The following NCOA2 variants were observed in gnomAD, a reference collection of about 807,000 sequenced individuals.
NCOA2 encodes the protein nuclear receptor coactivator 2, also known as class E basic helix-loop-helix protein 75.
NCOA2 carries 21 observed loss-of-function variants against 145.1 expected under a neutral mutation model. That is an observed-to-expected ratio of 0.14 (90% CI 0.10 to 0.21). The LOEUF is 0.21. Ranked by LOEUF, NCOA2 falls within the 10% of genes least tolerant of loss-of-function variation. The probability of loss-of-function intolerance (pLI) is 1.00; values close to 1 mark genes in which losing one functional copy is unlikely to be tolerated. For synonymous variants in NCOA2, 619 were observed against 637.5 expected, an observed-to-expected ratio of 0.97 and a Z score of 0.44; for missense variants, 1,472 against 1,837.6, an observed-to-expected ratio of 0.80 and a Z score of 3.64.
chr8:70,266,756 T>G (rs756120028), intron 2 of NCOA2, among the ~76,000 whole-genome samples: 5 of 152,178 alleles, frequency 3.3e-5, no homozygotes, highest in Non-Finnish European at 5.9e-5. Context: ...TCAATCAATA[T>G]TTATTGGATG....
intron 1 of NCOA2, among the ~76,000 whole-genome samples, chr8:70,402,873 C>T (rs1213301574): frequency 1.4e-5 from 2 of 143,694 alleles, no homozygotes; most frequent in South Asian, 2.1e-4. Flanking sequence ...CGGGGCCCGG[C>T]CCCCGGCTCC....
chr8:70,277,947 T>C (rs941212383), intron 2 of NCOA2, among the ~76,000 whole-genome samples: 2 of 152,192 alleles, frequency 1.3e-5, no homozygotes, highest in Non-Finnish European at 2.9e-5. Flanking sequence ...TTAAATAAAA[T>C]GTACAATAGT....
At chr8:70,402,420 C>A (rs894880590) in intron 1 of NCOA2, 13 of 152,472 alleles carry the variant, frequency 8.5e-5, no homozygotes, top group African/African-American at 3.1e-4. Flanking sequence ...TCCCCGATTC[C>A]CGCCCCTCGG....
intron 14 of NCOA2, among the ~76,000 whole-genome samples, chr8:70,140,600 T>TG (rs1810290721): frequency 7.0e-6 from 1 of 143,352 alleles, no homozygotes; most frequent in African/African-American, 2.6e-5. Flanking sequence ...TAAGTTTTTT[T>TG]TTTTTTTTTT....
chr8:70,249,979 A>G (rs1563679783), intron 2 of NCOA2, among the ~76,000 whole-genome samples: 1 of 102,650 alleles, frequency 9.7e-6, no homozygotes, highest in African/African-American at 3.2e-5. Context: ...AAAAAAAAAA[A>G]GAAGAAGAAG....
chr8:70,176,728 G>C (rs546237925), intron 4 of NCOA2, among the ~76,000 whole-genome samples: 3 of 152,160 alleles, frequency 2.0e-5, no homozygotes, highest in Non-Finnish European at 4.4e-5. Context: ...CACCAGTACA[G>C]GAATAGGATT....
intron 2 of NCOA2, among the ~76,000 whole-genome samples, chr8:70,221,597 C>A (rs1312637988): frequency 1.3e-5 from 2 of 152,144 alleles, no homozygotes; most frequent in East Asian, 1.9e-4. Flanking sequence ...CAGAAGACAT[C>A]CAGTTGCTAG....
the NCOA2 span, among the ~76,000 whole-genome samples, chr8:70,417,946 A>T: frequency 1.3e-5 from 2 of 152,202 alleles, no homozygotes; most frequent in Non-Finnish European, 2.9e-5. Context: ...GCCAGGTCGC[A>T]ATCTTAACTT....
chr8:70,282,422 A>C (rs112677180), intron 2 of NCOA2, among the ~76,000 whole-genome samples: 1 of 152,224 alleles, frequency 6.6e-6, no homozygotes, highest in Non-Finnish European at 1.5e-5. Flanking sequence ...ACGGAGGCTC[A>C]TGCCTTTAAT....
chr8:70,131,954 T>A lies in NCOA2; in HGVS notation c.3207A>T (p.Ala1069=). ...CTCCCTCATCACTCGGAGACTCAGC[T>A]GCAGGATGTGGACATAGCAAGTCAT... ...SPDDLLCPHP[A]AESPSDEGAL... is the part of the protein sequence containing the mutation. Residue 1069 remains alanine (A), a synonymous_variant, in exon 16 of 23, where the codon GCA becomes GCT. Transcript: ENST00000452400. 1 of 1,612,250 alleles carries A rather than the reference T, an allele frequency of 6.2e-7. No homozygotes were observed. Among genetic ancestry groups the A allele is most frequent in the South Asian group, 1.1e-5 (1 of 90,398 alleles).
At chr8:70,329,157 C>T (rs1372775273) in intron 1 of NCOA2, among the ~76,000 whole-genome samples, 1 of 152,100 alleles carries the variant, frequency 6.6e-6, no homozygotes. Flanking sequence ...CAGGGTCTCA[C>T]TCTGCTGCCC....
At chr8:70,442,108 GA>G in the NCOA2 span, among the ~76,000 whole-genome samples, 1 of 120,292 alleles carries the variant, frequency 8.3e-6, no homozygotes, top group Non-Finnish European at 1.8e-5. Flanking sequence ...AAGAAACAGA[GA>G]AAGAAAGAAG....
At chr8:70,176,874 C>A (rs1814914154) in intron 4 of NCOA2, among the ~76,000 whole-genome samples, 1 of 152,180 alleles carries the variant, frequency 6.6e-6, no homozygotes, top group Non-Finnish European at 1.5e-5. Flanking sequence ...TGTGTACCTC[C>A]CTTAACAGTC....
At chr8:70,382,148 G>T (rs187949180) in intron 1 of NCOA2, among the ~76,000 whole-genome samples, 280 of 152,072 alleles carry the variant, frequency 1.8e-3, no homozygotes, top group African/African-American at 6.3e-3. Flanking sequence ...ATAAGCTATC[G>T]TAAGGTTAAC....
At chr8:70,139,289 G>C (rs1167696531) in intron 14 of NCOA2, among the ~76,000 whole-genome samples, 2 of 152,132 alleles carry the variant, frequency 1.3e-5, no homozygotes, top group Non-Finnish European at 2.9e-5. Flanking sequence ...ATACAATAAA[G>C]CTTATAGAGC....
intron 4 of NCOA2, among the ~76,000 whole-genome samples, chr8:70,180,602 T>C (rs932521274): frequency 5.3e-5 from 8 of 152,214 alleles, no homozygotes; most frequent in Admixed American, 4.6e-4. Context: ...CCTAGAAATA[T>C]AAGTGATTTG....
At chr8:70,228,534 T>C (rs892264095) in intron 2 of NCOA2, among the ~76,000 whole-genome samples, 1 of 152,128 alleles carries the variant, frequency 6.6e-6, no homozygotes, top group African/African-American at 2.4e-5. Flanking sequence ...AGTTATCCCT[T>C]GAGTAGTTAA....
At chr8:70,427,423 TAA>T in the NCOA2 span, among the ~76,000 whole-genome samples, 1 of 152,340 alleles carries the variant, frequency 6.6e-6, no homozygotes, top group South Asian at 2.1e-4. Context: ...ATCAGATATA[TAA>T]AGTGTAACAC....
At chr8:70,306,182 G>T (rs893466185) in intron 1 of NCOA2, among the ~76,000 whole-genome samples, 16 of 152,164 alleles carry the variant, frequency 1.1e-4, no homozygotes, top group African/African-American at 3.9e-4. Context: ...GAGATCTAGA[G>T]CAAACTTAGA....
Sources: gnomAD v4.1 joint callset for allele counts (sites outside exome capture counted in the v4.1 genomes callset) on GRCh38, gnomAD v4.1.1 for gene constraint, MANE v1.5 for transcripts, NCBI Gene and HGNC (gene_info 2026-07-23, HGNC 2026-07-21) for gene names.